VEPH1: variants seen among roughly 807,000 people sequenced by gnomAD.
The protein encoded by VEPH1 is ventricular zone-expressed PH domain-containing protein homolog 1.
In VEPH1, 80 loss-of-function variants were observed where a neutral mutation model predicts 85.2. The observed-to-expected ratio is 0.94, with a 90% confidence interval of 0.78 to 1.13. The LOEUF is 1.13. Among genes scored for constraint, VEPH1 ranks in the 50% most tolerant of loss-of-function variants. The pLI is 0.00. For synonymous variants in VEPH1, 297 were observed against 348.0 expected (o/e 0.85, Z 1.63); for missense variants, 955 against 980.5 (o/e 0.97, Z 0.35).
rs150158471 is a variant in VEPH1, at chr3:157,268,569, T to C, written c.2129-2907A>G. Among the ~76,000 whole-genome samples, 492 of 152,248 alleles carry C rather than the reference T, an allele frequency of 3.2e-3. 1 individual carries two copies. The highest frequency in any genetic ancestry group is 0.011 in the African/African-American group (457 of 41,550). Reference sequence around the variant, plus strand: ...TTAACTTAGAAGATTTAGATTTGAATCCTCTAAATTACAATTTTCTAATCA... The same window carrying C: ...TTAACTTAGAAGATTTAGATTTGAACCCTCTAAATTACAATTTTCTAATCA... On this transcript the variant is annotated intron_variant, in intron 12 of 13. Coordinates refer to ENST00000362010, the MANE Select transcript of VEPH1 (RefSeq NM_001167912.2).
intron 6 of VEPH1, among the ~76,000 whole-genome samples, chr3:157,410,495 T>C (rs1731453363): frequency 1.3e-5 from 2 of 152,182 alleles, no homozygotes; most frequent in South Asian, 4.1e-4. Flanking sequence ...TATACACACA[T>C]GCACATCTTG....
chr3:157,350,757 A>C (rs1013471297), intron 9 of VEPH1, among the ~76,000 whole-genome samples: 3 of 152,240 alleles, frequency 2.0e-5, no homozygotes, highest in Non-Finnish European at 4.4e-5. Flanking sequence ...ATGACCGACA[A>C]ATATATGAAA....
chr3:157,297,365 TA>T (rs1718261624), intron 11 of VEPH1, among the ~76,000 whole-genome samples: 1 of 152,058 alleles, frequency 6.6e-6, no homozygotes, highest in Admixed American at 6.6e-5. Flanking sequence ...GATGCAAACA[TA>T]AAGAGATGTA....
At chr3:157,383,784 A>G (rs1729016707) in intron 6 of VEPH1, among the ~76,000 whole-genome samples, 1 of 152,252 alleles carries the variant, frequency 6.6e-6, no homozygotes, top group Non-Finnish European at 1.5e-5. Flanking sequence ...GAATGAAAAT[A>G]AAAGACCCCT....
At position 157,489,184 on chromosome 3, in the gene VEPH1, A is replaced by T. The variant is rs117022798; in HGVS notation, c.138+6028T>A. ...GACTGTTCCCAAAACAGGAATAGAAAAATTAGACCATGTTACTTCTGCTCA... is the reference window on the plus strand; with the variant it reads ...GACTGTTCCCAAAACAGGAATAGAATAATTAGACCATGTTACTTCTGCTCA... On this transcript the variant is annotated intron_variant, in intron 2 of 13. Transcript: ENST00000362010. 15 of 456,482 alleles carry T rather than the reference A, an allele frequency of 3.3e-5. No individual in the cohort carries two copies. In the East Asian group the frequency reaches 9.7e-4, roughly 30 times the overall value. 28.3% of individuals were successfully genotyped at this position (456,482 alleles called of 1,614,324 possible).
chr3:157,322,549 A>G (rs1041344099), intron 9 of VEPH1, among the ~76,000 whole-genome samples: 6 of 152,208 alleles, frequency 3.9e-5, no homozygotes, highest in African/African-American at 1.4e-4. Context: ...TTAGAAATGA[A>G]ATTTTTATCT....
intron 4 of VEPH1, among the ~76,000 whole-genome samples, chr3:157,452,537 G>A (rs1236598575): frequency 6.6e-6 from 1 of 152,190 alleles, no homozygotes; most frequent in Non-Finnish European, 1.5e-5. Context: ...CAGTGAGTGA[G>A]TTCCCTGGCA....
At chr3:157,273,797 C>T (rs924375573) in intron 12 of VEPH1, among the ~76,000 whole-genome samples, 1 of 152,164 alleles carries the variant, frequency 6.6e-6, no homozygotes, top group Admixed American at 6.5e-5. Flanking sequence ...CACAAGAGTT[C>T]AATAATTCAC....
intron 9 of VEPH1, among the ~76,000 whole-genome samples, chr3:157,360,619 G>T (rs1219263905): frequency 6.6e-6 from 1 of 152,052 alleles, no homozygotes; most frequent in Admixed American, 6.5e-5. Flanking sequence ...TTAACCTACC[G>T]AACATCATAG....
chr3:157,347,529 C>T (rs899915060), intron 9 of VEPH1, among the ~76,000 whole-genome samples: 2 of 152,120 alleles, frequency 1.3e-5, no homozygotes, highest in East Asian at 3.8e-4. Context: ...CAGGAGAGGA[C>T]CACAGCAATG....
At chr3:157,480,669 G>A (rs1447715960) in intron 2 of VEPH1, among the ~76,000 whole-genome samples, 1 of 152,162 alleles carries the variant, frequency 6.6e-6, no homozygotes, top group Non-Finnish European at 1.5e-5. Flanking sequence ...TGGTGCATAT[G>A]TACCATATTT....
At chr3:157,262,391 C>G (rs1477943261) in intron 13 of VEPH1, among the ~76,000 whole-genome samples, 2 of 151,882 alleles carry the variant, frequency 1.3e-5, no homozygotes, top group Non-Finnish European at 2.9e-5. Flanking sequence ...AAAAAGATAA[C>G]TAAATCAGAA....
In VEPH1 at chr3:157,437,596, A is replaced by G. The variant is rs1335274839; in HGVS notation, c.530-9108T>C. 3 of 1,578,210 alleles carry G rather than the reference A, an allele frequency of 1.9e-6. No individual in the cohort carries two copies. In the African/African-American group the frequency reaches 4.1e-5, roughly 21 times the overall value. On this transcript the variant is annotated intron_variant, in intron 4 of 13. Transcript: ENST00000362010. ...GGAGAACTCGCAGATGAGAGAGCGC[A>G]TGCTGCTGCAAGCCACGGACGACGT... is the stretch of plus-strand genomic sequence containing the variant.
intron 2 of VEPH1, among the ~76,000 whole-genome samples, chr3:157,483,974 C>G (rs1019903078): frequency 2.6e-5 from 4 of 152,054 alleles, no homozygotes; most frequent in African/African-American, 9.7e-5. Flanking sequence ...ATAAAACCCT[C>G]AAACTCACAA....
At chr3:157,262,491 T>A (rs537113892) in intron 13 of VEPH1, among the ~76,000 whole-genome samples, 1 of 151,586 alleles carries the variant, frequency 6.6e-6, no homozygotes, top group Non-Finnish European at 1.5e-5. Flanking sequence ...AAAAATGAAA[T>A]GCCATTCAGG....
chr3:157,469,706 A>G (rs985635213), intron 3 of VEPH1, among the ~76,000 whole-genome samples: 2 of 152,174 alleles, frequency 1.3e-5, no homozygotes, highest in African/African-American at 4.8e-5. Context: ...TTTAATGTGC[A>G]TTTCACATAG....
At chr3:157,435,453 T>A (rs1733492964) in intron 4 of VEPH1, among the ~76,000 whole-genome samples, 1 of 152,228 alleles carries the variant, frequency 6.6e-6, no homozygotes, top group Admixed American at 6.5e-5. Flanking sequence ...GAGACATGAT[T>A]GCTTCCTACC....
chr3:157,418,908 T>A (rs1196967307), intron 5 of VEPH1, among the ~76,000 whole-genome samples: 4 of 152,090 alleles, frequency 2.6e-5, no homozygotes, highest in Admixed American at 1.3e-4. Context: ...ACTGGAGGCG[T>A]TATACTACCC....
rs78010488 is a variant in VEPH1, at chr3:157,488,074, C to T, written c.138+7138G>A. On this transcript the variant is annotated intron_variant, in intron 2 of 13. Transcript: ENST00000362010. The stretch of plus-strand genomic sequence containing the variant: ...AGAATAAGGATTGGAAAGGAAGAAA[C>T]AAAACTATAATTATTTTAAAGTGAT... Among the ~76,000 whole-genome samples the T allele has an allele frequency of 1.9e-3, 296 of 152,086 alleles. 1 individual carries two copies. The highest frequency in any genetic ancestry group is 6.9e-3 in the African/African-American group (285 of 41,514).
Sources: allele counts gnomAD v4.1 joint callset (sites outside exome capture counted in the v4.1 genomes callset), GRCh38; gene constraint gnomAD v4.1.1; transcripts MANE v1.5; gene names NCBI Gene and HGNC (gene_info 2026-07-23, HGNC 2026-07-21).